The following GPHN variants were observed in gnomAD, a reference collection of about 807,000 sequenced individuals.
GPHN encodes gephyrin.
In GPHN, 17 loss-of-function variants were observed where a neutral mutation model predicts 95.5. That is an observed-to-expected ratio of 0.18 (90% CI 0.12 to 0.27). The LOEUF (loss-of-function observed/expected upper bound fraction) is 0.27. Ranked by LOEUF, GPHN falls within the 10% of genes least tolerant of loss-of-function variation. GPHN has a pLI of 1.00. For missense variants in GPHN, 660 were observed against 978.1 expected, an observed-to-expected ratio of 0.67 and a Z score of 4.34; for synonymous variants, 320 against 322.5, an observed-to-expected ratio of 0.99 and a Z score of 0.08.
At chr14:67,700,320 A>G in the GPHN span, among the ~76,000 whole-genome samples, 2 of 152,180 alleles carry the variant, frequency 1.3e-5, no homozygotes, top group Non-Finnish European at 2.9e-5. Context: ...GAGAAAAGCC[A>G]AGACTACAGA....
At chr14:66,885,218 A>G (rs1802493008) in intron 5 of GPHN, among the ~76,000 whole-genome samples, 1 of 152,086 alleles carries the variant, frequency 6.6e-6, no homozygotes, top group Non-Finnish European at 1.5e-5. Context: ...AAAAGTCTGT[A>G]GGGGAGCATA....
At chr14:66,631,365 AAC>A (rs1180931337) in intron 1 of GPHN, among the ~76,000 whole-genome samples, 1 of 152,078 alleles carries the variant, frequency 6.6e-6, no homozygotes, top group Non-Finnish European at 1.5e-5. Context: ...CGTCCTTTTT[AAC>A]AGTGTTTATT....
the GPHN span, among the ~76,000 whole-genome samples, chr14:67,305,571 A>G: frequency 6.6e-6 from 1 of 152,190 alleles, no homozygotes; most frequent in Admixed American, 6.5e-5. Context: ...GTGAGCCACA[A>G]TGCCCAGCCA....
chr14:67,192,786 GTA>G, the GPHN span, among the ~76,000 whole-genome samples: 3 of 146,992 alleles, frequency 2.0e-5, no homozygotes, highest in Non-Finnish European at 3.0e-5. Flanking sequence ...ACATATATAT[GTA>G]TGTGTGTGTA....
At chr14:66,910,759 T>A (rs111535408) in intron 5 of GPHN, among the ~76,000 whole-genome samples, 2,299 of 152,096 alleles carry the variant, frequency 0.015, 34 homozygotes, top group Non-Finnish European at 0.018. Flanking sequence ...TATCCTAACT[T>A]CCAGGAAAGC....
chr14:66,914,322 T>C (rs2153557350), intron 5 of GPHN, among the ~76,000 whole-genome samples: 1 of 152,276 alleles, frequency 6.6e-6, no homozygotes, highest in South Asian at 2.1e-4. Context: ...TGGAGGGAGT[T>C]ACAACATTCT....
chr14:67,380,667 C>T, the GPHN span: 1 of 1,535,048 alleles, frequency 6.5e-7, no homozygotes, highest in East Asian at 2.4e-5. Flanking sequence ...AGAGACCCAT[C>T]TATTTTGGAT....
intron 2 of GPHN, among the ~76,000 whole-genome samples, chr14:66,775,244 A>G (rs567586150): frequency 2.0e-5 from 3 of 152,216 alleles, no homozygotes; most frequent in South Asian, 4.2e-4. Flanking sequence ...TCCAGAATAC[A>G]TAAGTCTCTT....
intron 1 of GPHN, among the ~76,000 whole-genome samples, chr14:66,524,349 G>C (rs1372148112): frequency 6.6e-6 from 1 of 152,024 alleles, no homozygotes; most frequent in African/African-American, 2.4e-5. Context: ...AATAAACAAT[G>C]ATTTGGGGCA....
At chr14:67,190,227 CTT>C in the GPHN span, among the ~76,000 whole-genome samples, 18 of 123,476 alleles carry the variant, frequency 1.5e-4, no homozygotes, top group Admixed American at 2.4e-4. Flanking sequence ...TTGTTCTTTT[CTT>C]TTTTTTTTTT....
At chr14:66,734,969 G>T (rs1310784442) in intron 2 of GPHN, among the ~76,000 whole-genome samples, 1 of 152,140 alleles carries the variant, frequency 6.6e-6, no homozygotes, top group Non-Finnish European at 1.5e-5. Flanking sequence ...GTTGTGTTAG[G>T]CAAGCTGTCT....
chr14:67,047,765 A>G (rs1281787795), intron 10 of GPHN, among the ~76,000 whole-genome samples: 1 of 152,222 alleles, frequency 6.6e-6, no homozygotes, highest in Non-Finnish European at 1.5e-5. Flanking sequence ...GTTTGAAACC[A>G]GTCTGAGCAA....
At chr14:66,976,231 C>T (rs2070211358) in intron 9 of GPHN, among the ~76,000 whole-genome samples, 1 of 152,074 alleles carries the variant, frequency 6.6e-6, no homozygotes. Flanking sequence ...GATATCCACT[C>T]TAGTTTTGTT....
intron 2 of GPHN, among the ~76,000 whole-genome samples, chr14:66,703,039 A>G (rs1324710211): frequency 1.6e-5 from 2 of 126,194 alleles, no homozygotes; most frequent in African/African-American, 8.9e-5. Context: ...GGAAGAAGGG[A>G]TATCAGTTTG....
intron 3 of GPHN, among the ~76,000 whole-genome samples, chr14:66,790,708 G>A (rs1055270653): frequency 3.3e-5 from 5 of 152,208 alleles, no homozygotes; most frequent in African/African-American, 1.2e-4. Context: ...GGCAGGGCGG[G>A]GAGGGTCAGG....
At chr14:67,636,668 G>A in the GPHN span, among the ~76,000 whole-genome samples, 10 of 152,232 alleles carry the variant, frequency 6.6e-5, no homozygotes, top group African/African-American at 2.4e-4. Flanking sequence ...AGCCTGGAGA[G>A]GTTTATCAAG....
chr14:66,780,199 GACTT>G (rs1489054716), intron 3 of GPHN, among the ~76,000 whole-genome samples: 2 of 152,044 alleles, frequency 1.3e-5, no homozygotes, highest in Non-Finnish European at 2.9e-5. Context: ...GGATGTTTTG[GACTT>G]ACTGAGTTTG....
chr14:67,490,551 G>A, the GPHN span, among the ~76,000 whole-genome samples: 315 of 152,308 alleles, frequency 2.1e-3, 1 homozygote, highest in African/African-American at 7.4e-3. Context: ...CATGCACATA[G>A]GATTCACTTC....
the GPHN span, chr14:67,584,018 C>T: frequency 1.2e-6 from 2 of 1,613,890 alleles, no homozygotes; most frequent in Non-Finnish European, 1.7e-6. Context: ...ATGTTGACCA[C>T]AAAATGGGCA....
Sources: allele counts gnomAD v4.1 joint callset (sites outside exome capture counted in the v4.1 genomes callset), GRCh38; gene constraint gnomAD v4.1.1; transcripts MANE v1.5; gene names NCBI Gene and HGNC (gene_info 2026-07-23, HGNC 2026-07-21).